PREX1: variants seen among roughly 807,000 people sequenced by gnomAD.
PREX1 encodes the protein phosphatidylinositol-3,4,5-trisphosphate dependent Rac exchange factor 1.
A neutral mutation model predicts 198.3 loss-of-function variants in PREX1; 41 were observed. The observed-to-expected ratio is 0.21, with a 90% CI of 0.16 to 0.27. PREX1 has a LOEUF of 0.27. Among genes scored for constraint, PREX1 ranks in the 10% least tolerant of loss-of-function variants. PREX1 has a pLI of 1.00. For synonymous variants in PREX1, 843 were observed against 887.2 expected (o/e 0.95, Z 0.89); for missense variants, 1,620 against 2,200.7 (o/e 0.74, Z 5.28).
At chr20:48,695,033 A>T (rs2089838231) in intron 7 of PREX1, among the ~76,000 whole-genome samples, 1 of 152,260 alleles carries the variant, frequency 6.6e-6, no homozygotes, top group African/African-American at 2.4e-5. Context: ...TTTGTATTAA[A>T]GTATAAAATC....
intron 15 of PREX1, among the ~76,000 whole-genome samples, chr20:48,664,900 C>T (rs2089625102): frequency 7.2e-6 from 1 of 138,840 alleles, no homozygotes; most frequent in African/African-American, 2.7e-5. Flanking sequence ...ATTCTAATCC[C>T]GGCCCAGACG....
chr20:48,782,586 G>C (rs1341421121), intron 1 of PREX1, among the ~76,000 whole-genome samples: 1 of 152,164 alleles, frequency 6.6e-6, no homozygotes, highest in East Asian at 1.9e-4. Flanking sequence ...TAAATGTAGA[G>C]GAAAGGTTTG....
In PREX1 at chr20:48,625,726, A is replaced by T; in HGVS notation, c.*159T>A. The T allele has an allele frequency of 1.1e-6, 1 of 883,686 alleles. No homozygotes were observed. The highest frequency in any genetic ancestry group is 1.7e-6 in the Non-Finnish European group (1 of 604,282). 54.7% of individuals were successfully genotyped at this position (883,686 alleles called of 1,614,324 possible). A position where few individuals can be genotyped will look rare whatever the true frequency, so the allele number is the denominator to read the frequency against. ...GCTCGTCATCACAGCGAGGGTGGCC[A>T]GGCTTGTCCCGGAAGGAGGCAGGGA... On this transcript the variant is annotated 3_prime_UTR_variant, in exon 40 of 40. Transcript: ENST00000371941.
intron 1 of PREX1, among the ~76,000 whole-genome samples, chr20:48,813,097 G>A (rs1002245912): frequency 3.9e-5 from 6 of 152,230 alleles, no homozygotes; most frequent in African/African-American, 1.4e-4. Context: ...CACCCCCAAC[G>A]GCCCAGATGT....
chr20:48,651,221 C>G lies in PREX1; in HGVS notation c.2656-166G>C, dbSNP rs145840782. Among the ~76,000 whole-genome samples the G allele has an allele frequency of 5.4e-4, 82 of 152,376 alleles. 2 individuals carry two copies. In the East Asian group the frequency reaches 0.012, roughly 23 times the overall value. On this transcript the variant is annotated intron_variant, in intron 22 of 39. Coordinates refer to ENST00000371941, the MANE Select transcript of PREX1 (RefSeq NM_020820.4). The stretch of plus-strand genomic sequence containing the variant: ...ACTGAGGCTAAAGGGACAAGCCACT[C>G]TGCACAGTCCCACGCTACCTAGTGG...
chr20:48,646,870 A>T (rs2122881270), intron 25 of PREX1, among the ~76,000 whole-genome samples: 1 of 152,180 alleles, frequency 6.6e-6, no homozygotes, highest in Middle Eastern at 3.4e-3. Context: ...ACTCTCGGAG[A>T]CTCTGTTTCC....
At chr20:48,835,632 G>A in the PREX1 span, among the ~76,000 whole-genome samples, 1 of 152,196 alleles carries the variant, frequency 6.6e-6, no homozygotes. Flanking sequence ...GTAGGAGTGT[G>A]TCCACTTGTT....
intron 17 of PREX1, 114 bp downstream of exon 17, chr20:48,658,022 G>A: frequency 2.0e-6 from 2 of 1,005,972 alleles, no homozygotes; most frequent in South Asian, 3.1e-5. Context: ...GAGAGAAGAG[G>A]AGTCAGCGAT....
At chr20:48,792,886 A>C (rs141311616) in intron 1 of PREX1, among the ~76,000 whole-genome samples, 3 of 149,688 alleles carry the variant, frequency 2.0e-5, no homozygotes, top group Non-Finnish European at 4.4e-5. Flanking sequence ...CATTTATATG[A>C]AATGTCCAAA....
At chr20:48,812,336 AATGGGTAAATAACATAAGAG>A (rs2090440038) in intron 1 of PREX1, among the ~76,000 whole-genome samples, 1 of 151,724 alleles carries the variant, frequency 6.6e-6, no homozygotes, top group South Asian at 2.1e-4. Flanking sequence ...ACATAAGAGG[AATGGGTAAATAACATAAGAG>A]GAATGGGTAA....
intron 1 of PREX1, among the ~76,000 whole-genome samples, chr20:48,791,511 T>A (rs1276097502): frequency 6.6e-6 from 1 of 152,168 alleles, no homozygotes; most frequent in Non-Finnish European, 1.5e-5. Flanking sequence ...CAAGTCTCGT[T>A]TTATGACCCT....
chr20:48,644,617 GC>G, intron 26 of PREX1, 120 bp from the exon 27 acceptor site: 2 of 841,592 alleles, frequency 2.4e-6, no homozygotes, highest in East Asian at 2.7e-5. Flanking sequence ...TGGGCGTGCA[GC>G]CCAGAGAGGG....
rs190399228 is a variant in PREX1, at chr20:48,689,815, A to G, written c.1187-1011T>C. On this transcript the variant is annotated intron_variant, in intron 9 of 39. Transcript: ENST00000371941. ...ATGCCACCTAAAAATCCAGATGTCT[A>G]GTTCCTCTAGACAAATAATCCATGG... Among the ~76,000 whole-genome samples, 316 of 152,372 alleles carry G rather than the reference A, an allele frequency of 2.1e-3. 2 individuals carry two copies. Among genetic ancestry groups the G allele is most frequent in the African/African-American group, 7.3e-3 (304 of 41,590 alleles).
At chr20:48,646,142 T>C in intron 25 of PREX1, 85 bp from the exon 26 acceptor site, 1 of 1,354,524 alleles carries the variant, frequency 7.4e-7, no homozygotes, top group Non-Finnish European at 1.0e-6. Context: ...CAGCTGCAGG[T>C]GTGAGCACTG....
At chr20:48,722,950 G>A (rs550595840) in intron 5 of PREX1, among the ~76,000 whole-genome samples, 14 of 152,302 alleles carry the variant, frequency 9.2e-5, no homozygotes, top group African/African-American at 2.2e-4. Flanking sequence ...GCCCCCCACC[G>A]GCACCAGCCA....
chr20:48,649,492 C>G lies in PREX1; in HGVS notation c.3113G>C (p.Gly1038Ala), dbSNP rs1301069718. 1.2e-6 allele frequency: 2 copies of G among 1,614,076 alleles called. No individual in the cohort carries two copies. Among genetic ancestry groups the G allele is most frequent in the Admixed American group, 3.3e-5 (2 of 60,014 alleles). The change falls in exon 25 of 40, where the codon GGT (glycine) becomes GCT (alanine). Residue 1038 changes from glycine to alanine, a missense_variant. Physicochemically the swap from Gly to Ala is moderately conservative, Grantham distance 60 (BLOSUM62 0). Around this residue, in one of 7 missense-constraint regions of PREX1, gnomAD observed 514 missense variants for 611.6 expected, o/e 0.84. Transcript: ENST00000371941. ...PSWKCLPAAE[G>A]DPQGQGLHDG... Reference sequence around the variant, plus strand: ...ATGGAGACCCTGGCCTTGGGGATCACCCTCTGCAGCAGGCAAGCACTTCCA... The same window carrying G: ...ATGGAGACCCTGGCCTTGGGGATCAGCCTCTGCAGCAGGCAAGCACTTCCA...
At chr20:48,638,195 C>A (rs531750993) in intron 30 of PREX1, among the ~76,000 whole-genome samples, 1 of 152,150 alleles carries the variant, frequency 6.6e-6, no homozygotes, top group Non-Finnish European at 1.5e-5. Context: ...TATGTACACA[C>A]GCAGGTACAC....
At chr20:48,708,992 G>A (rs1282305441) in intron 5 of PREX1, among the ~76,000 whole-genome samples, 2 of 152,104 alleles carry the variant, frequency 1.3e-5, no homozygotes, top group Non-Finnish European at 2.9e-5. Context: ...AGCAAATGAA[G>A]TGGCTCTTAA....
At chr20:48,660,105 A>T (rs188671385) in intron 15 of PREX1, 44 bp from the exon 16 acceptor site, 1 of 1,605,516 alleles carries the variant, frequency 6.2e-7, no homozygotes, top group African/African-American at 1.3e-5. Context: ...ATTCACAGGG[A>T]AAGTTTCAGC....
Sources: gnomAD v4.1 joint callset for allele counts (sites outside exome capture counted in the v4.1 genomes callset) on GRCh38, gnomAD v4.1.1 for gene constraint, gnomAD v4.1.1 regional missense constraint, MANE v1.5 for transcripts, NCBI Gene and HGNC (gene_info 2026-07-23, HGNC 2026-07-21) for gene names.